Variants in TMEM178B observed in about 807,000 individuals in gnomAD.
TMEM178B encodes transmembrane protein 178B.
In TMEM178B, 5 loss-of-function variants were observed where a neutral mutation model predicts 31.0. The ratio of observed to expected loss-of-function variants is 0.16; its 90% CI spans 0.08 to 0.34. The LOEUF is 0.34. TMEM178B is among the 10% of genes least tolerant of loss of function. TMEM178B has a pLI of 1.00. For missense variants in TMEM178B, 275 were observed against 400.3 expected (o/e 0.69, Z 2.67); for synonymous variants, 164 against 164.0 (o/e 1.00, Z 0.00).
chr7:141,255,904 G>A (rs1797919312), intron 2 of TMEM178B, among the ~76,000 whole-genome samples: 1 of 152,154 alleles, frequency 6.6e-6, no homozygotes, highest in Admixed American at 6.5e-5. Flanking sequence ...CAGGCATCGA[G>A]AGAACTGTGG....
intron 1 of TMEM178B, among the ~76,000 whole-genome samples, chr7:141,179,726 C>A (rs904345623): frequency 6.6e-5 from 10 of 152,128 alleles, no homozygotes; most frequent in Admixed American, 6.5e-4. Context: ...ATGCCAGTGT[C>A]AGAGCAGGCC....
intron 2 of TMEM178B, among the ~76,000 whole-genome samples, chr7:141,378,147 G>A (rs1232150859): frequency 1.3e-5 from 2 of 152,080 alleles, no homozygotes; most frequent in African/African-American, 4.8e-5. Context: ...GTTGTAGAAC[G>A]TCCCTCATTT....
intron 1 of TMEM178B, among the ~76,000 whole-genome samples, chr7:141,082,488 G>T (rs1360902395): frequency 6.6e-6 from 1 of 152,250 alleles, no homozygotes; most frequent in Non-Finnish European, 1.5e-5. Flanking sequence ...TTGTATACAT[G>T]ATGTGCACCT....
At chr7:141,249,906 G>A (rs1218974635) in intron 2 of TMEM178B, among the ~76,000 whole-genome samples, 1 of 152,298 alleles carries the variant, frequency 6.6e-6, no homozygotes, top group African/African-American at 2.4e-5. Context: ...TCAGAGGCAA[G>A]CTTTAGTGGA....
At chr7:141,294,767 A>C (rs1291337076) in intron 2 of TMEM178B, among the ~76,000 whole-genome samples, 1 of 152,182 alleles carries the variant, frequency 6.6e-6, no homozygotes, top group Non-Finnish European at 1.5e-5. Context: ...GAGAAAGTAC[A>C]TCCTGAACAT....
intron 2 of TMEM178B, among the ~76,000 whole-genome samples, chr7:141,388,339 C>T (rs956323284): frequency 6.6e-6 from 1 of 152,140 alleles, no homozygotes; most frequent in African/African-American, 2.4e-5. Context: ...AGCATGTGCA[C>T]GCTTTCTACT....
intron 2 of TMEM178B, among the ~76,000 whole-genome samples, chr7:141,306,369 T>A (rs1395411434): frequency 6.6e-6 from 1 of 152,152 alleles, no homozygotes; most frequent in Non-Finnish European, 1.5e-5. Flanking sequence ...GGATGCGTTT[T>A]TGTGGCTGTG....
chr7:141,138,027 G>C (rs1795703064), intron 1 of TMEM178B, among the ~76,000 whole-genome samples: 1 of 151,722 alleles, frequency 6.6e-6, no homozygotes, highest in Admixed American at 6.6e-5. Flanking sequence ...TTGGCTTAAG[G>C]TGCTCTTATT....
chr7:141,201,626 C>A (rs1372860700), intron 1 of TMEM178B, among the ~76,000 whole-genome samples: 1 of 152,088 alleles, frequency 6.6e-6, no homozygotes, highest in African/African-American at 2.4e-5. Flanking sequence ...AGAGGGTGAG[C>A]CCCAAAGACT....
intron 2 of TMEM178B, among the ~76,000 whole-genome samples, chr7:141,355,626 G>A (rs1167991999): frequency 1.3e-5 from 2 of 152,348 alleles, no homozygotes; most frequent in South Asian, 2.1e-4. Context: ...TGCATTCAAC[G>A]CAGGTTAGGG....
At position 141,176,578 on chromosome 7, in the gene TMEM178B, C is replaced by T. The variant is rs181179575; in HGVS notation, c.383-36013C>T. On this transcript the variant is annotated intron_variant, in intron 1 of 3. Transcript: ENST00000565468. ...CTCTGGTAGAATTCGGCTGTGAATC[C>T]GTCTGGTCCTGGACTTTTTTTGGTT... is the stretch of plus-strand genomic sequence containing the variant. 1.8e-4 allele frequency among the ~76,000 whole-genome samples: 28 copies of T among 152,210 alleles called. 1 individual carries two copies. The highest frequency in any genetic ancestry group is 5.8e-4 in the East Asian group (3 of 5,182).
intron 1 of TMEM178B, among the ~76,000 whole-genome samples, chr7:141,156,567 C>T (rs1053073513): frequency 1.3e-5 from 2 of 152,218 alleles, no homozygotes; most frequent in African/African-American, 4.8e-5. Flanking sequence ...AGCTCTGATG[C>T]TCCCAGTGAC....
intron 2 of TMEM178B, among the ~76,000 whole-genome samples, chr7:141,290,528 T>TA (rs1798527139): frequency 1.2e-5 from 1 of 84,246 alleles, no homozygotes; most frequent in South Asian, 2.6e-4. Context: ...TTCACACACA[T>TA]ACACATGTGC....
Position 141,344,841 on chromosome 7 carries a change from G to A in TMEM178B, c.497-92767G>A, listed in dbSNP as rs1266478563. On this transcript the variant is annotated intron_variant, in intron 2 of 3. Transcript: ENST00000565468. This position sits in a 1 kb window ranked among gnomAD's most constrained non-coding sequence, Gnocchi z 4.1. ...GTCTGTTAACTGTGGCTCTGCCACC[G>A]GCTGGCTGTGGAAGCTGTGGGAGTA... 3.3e-5 allele frequency among the ~76,000 whole-genome samples: 5 copies of A among 152,182 alleles called. No individual in the cohort carries two copies. The highest frequency in any genetic ancestry group is 7.2e-5 in the African/African-American group (3 of 41,434).
chr7:141,395,902 C>T (rs962082737), intron 2 of TMEM178B, among the ~76,000 whole-genome samples: 2 of 152,170 alleles, frequency 1.3e-5, no homozygotes, highest in Non-Finnish European at 2.9e-5. Context: ...CATGATTATA[C>T]AGCGTTGCTT....
intron 1 of TMEM178B, among the ~76,000 whole-genome samples, chr7:141,163,884 CATAG>C (rs1170783690): frequency 2.6e-5 from 4 of 152,102 alleles, no homozygotes; most frequent in African/African-American, 7.2e-5. Context: ...ATCATTTATA[CATAG>C]ATAGTGAACA....
intron 3 of TMEM178B, among the ~76,000 whole-genome samples, chr7:141,465,209 C>T (rs1369612026): frequency 2.6e-5 from 4 of 152,172 alleles, no homozygotes; most frequent in Non-Finnish European, 5.9e-5. Flanking sequence ...TAGAAGCCCC[C>T]TCATCTGCAT....
chr7:141,324,731 G>A (rs1799160503), intron 2 of TMEM178B, among the ~76,000 whole-genome samples: 1 of 151,950 alleles, frequency 6.6e-6, no homozygotes, highest in Admixed American at 6.6e-5. Context: ...AGAATCATTT[G>A]CTACTTGTAT....
the TMEM178B span, among the ~76,000 whole-genome samples, chr7:141,487,835 T>A: frequency 6.6e-6 from 1 of 150,662 alleles, no homozygotes; most frequent in Non-Finnish European, 1.5e-5. Context: ...AAAGGAAACA[T>A]TTCAAAAAAT....
Sources: gnomAD v4.1 joint callset for allele counts (sites outside exome capture counted in the v4.1 genomes callset) on GRCh38, gnomAD v4.1.1 for gene constraint, Gnocchi (gnomAD v3.1) non-coding constraint, MANE v1.5 for transcripts, NCBI Gene and HGNC (gene_info 2026-07-23, HGNC 2026-07-21) for gene names.